Variants in CRB1 observed in about 807,000 individuals in gnomAD.
The protein encoded by CRB1 is crumbs cell polarity complex component 1, also known as protein crumbs homolog 1.
CRB1 carries 83 observed loss-of-function variants against 120.0 expected under a neutral mutation model. The observed-to-expected ratio is 0.69, with a 90% confidence interval of 0.58 to 0.83. CRB1 has a LOEUF of 0.83. Ranked by LOEUF, CRB1 falls within the 40% of genes least tolerant of loss-of-function variation. CRB1 has a pLI of 0.00. For synonymous variants in CRB1, 625 were observed against 612.5 expected (o/e 1.02, Z -0.30); for missense variants, 1,699 against 1,687.6 (o/e 1.01, Z -0.12).
the CRB1 span, among the ~76,000 whole-genome samples, chr1:197,227,543 C>T: frequency 6.6e-6 from 1 of 152,090 alleles, no homozygotes; most frequent in Non-Finnish European, 1.5e-5. Context: ...GGTAGGTTCT[C>T]ATAGTCTTGG....
At chr1:197,285,085 T>G (rs1341320590) in intron 1 of CRB1, among the ~76,000 whole-genome samples, 1 of 151,704 alleles carries the variant, frequency 6.6e-6, no homozygotes, top group Non-Finnish European at 1.5e-5. Context: ...GGAGTGTGAG[T>G]TGGTCATTAA....
the CRB1 span, among the ~76,000 whole-genome samples, chr1:197,260,266 A>C: frequency 1.3e-5 from 2 of 152,086 alleles, no homozygotes; most frequent in East Asian, 3.8e-4. Context: ...AATTAAACAA[A>C]ATTTTTTTTT....
chr1:197,441,474 GAA>G (rs1665430393), intron 10 of CRB1: 1 of 152,104 alleles, frequency 6.6e-6, no homozygotes. Context: ...TTTGGCTTTT[GAA>G]AGTCATTCTA....
chr1:197,311,264 T>G (rs1444201651), intron 1 of CRB1, among the ~76,000 whole-genome samples: 1 of 152,252 alleles, frequency 6.6e-6, no homozygotes, highest in Non-Finnish European at 1.5e-5. Context: ...GAGGGCATTA[T>G]GCTAGGCGAA....
chr1:197,341,546 AAAAAG>A (rs937463576), intron 2 of CRB1, among the ~76,000 whole-genome samples: 50 of 152,180 alleles, frequency 3.3e-4, no homozygotes, highest in African/African-American at 1.1e-3. Flanking sequence ...CTCAGAAAAA[AAAAAG>A]AAAAGGGTGA....
chr1:197,335,802 C>A (rs145134468), intron 2 of CRB1, among the ~76,000 whole-genome samples: 3,195 of 152,296 alleles, frequency 0.021, 57 homozygotes, highest in South Asian at 0.054. Context: ...CGGCCCCTAT[C>A]AAGTTTTAAC....
chr1:197,353,814 T>TAAAAAAAAAAAAAAAA (rs57274486), intron 4 of CRB1, among the ~76,000 whole-genome samples: 3 of 89,430 alleles, frequency 3.4e-5, no homozygotes, highest in South Asian at 3.5e-4. Flanking sequence ...AATATATAAA[T>TAAAAAAAAAAAAAAAA]AAAAAAAAAA....
rs77549601 is a variant in CRB1 at position 197,280,271 on chromosome 1, T to G, written c.70+11789T>G. 6.7e-3 allele frequency among the ~76,000 whole-genome samples: 1,013 copies of G among 151,908 alleles called. 7 individuals carry two copies. Among genetic ancestry groups the G allele is most frequent in the African/African-American group, 0.023 (942 of 41,500 alleles). On this transcript the variant is annotated intron_variant, in intron 1 of 11. Transcript: ENST00000367400. ...AAGGGAAGCATTAATGTAAATATAATTGTTAATCGTAAATCAGAAAAACAT... is the reference window on the plus strand; with the variant it reads ...AAGGGAAGCATTAATGTAAATATAAGTGTTAATCGTAAATCAGAAAAACAT...
At chr1:197,431,943 A>G (rs1664888592) in intron 8 of CRB1, among the ~76,000 whole-genome samples, 1 of 152,160 alleles carries the variant, frequency 6.6e-6, no homozygotes, top group African/African-American at 2.4e-5. Flanking sequence ...TTTCTTTCCA[A>G]CTAAAATATA....
At chr1:197,258,469 A>G in the CRB1 span, among the ~76,000 whole-genome samples, 2 of 152,166 alleles carry the variant, frequency 1.3e-5, no homozygotes, top group East Asian at 1.9e-4. Flanking sequence ...TTTTGTCCCA[A>G]TGTTCCATTG....
At chr1:197,338,910 G>A (rs1659303637) in intron 2 of CRB1, among the ~76,000 whole-genome samples, 2 of 152,114 alleles carry the variant, frequency 1.3e-5, no homozygotes, top group South Asian at 4.1e-4. Context: ...GTAACAAGAG[G>A]CTAAGGCACT....
At chr1:197,340,933 C>T (rs147395237) in intron 2 of CRB1, among the ~76,000 whole-genome samples, 18 of 152,206 alleles carry the variant, frequency 1.2e-4, no homozygotes, top group South Asian at 4.2e-4. Flanking sequence ...GGGGAGGTCT[C>T]GCAATCATGG....
At chr1:197,301,606 G>A (rs1279484868) in intron 1 of CRB1, among the ~76,000 whole-genome samples, 1 of 152,164 alleles carries the variant, frequency 6.6e-6, no homozygotes, top group African/African-American at 2.4e-5. Context: ...AACATTTGTA[G>A]GTGCCTCATT....
rs774597710 is a variant in CRB1, at chr1:197,421,823, T to C, written c.1995T>C (p.Asn665=). The C allele has an allele frequency of 5.0e-5, 81 of 1,614,078 alleles. No individual in the cohort carries two copies. Among genetic ancestry groups the C allele is most frequent in the East Asian group, 2.5e-4 (11 of 44,894 alleles). The change falls in exon 6 of 12, where the codon AAT becomes AAC. Residue 665 remains asparagine, a synonymous_variant. Coordinates refer to ENST00000367400, the MANE Select transcript of CRB1 (RefSeq NM_201253.3). ...ACATCTCGTCTGGCTCATCATTAAA[T>C]GTCAAGGCAGGCTGTGTGAGAAAGG... ...LENISSGSSL[N]VKAGCVRKDW...
rs910639329 is a variant in CRB1, at chr1:197,468,920, G to A, written c.4006-8744G>A. Among the ~76,000 whole-genome samples the A allele has an allele frequency of 4.6e-5, 7 of 152,314 alleles. No homozygotes were observed. In the South Asian group the frequency reaches 1.4e-3, roughly 32 times the overall value. ...CGGCATGTTTCAGGATAGAGAAGTGGTTTGGAGGAACAGGTGATTCCTGTT... is the reference window on the plus strand; with the variant it reads ...CGGCATGTTTCAGGATAGAGAAGTGATTTGGAGGAACAGGTGATTCCTGTT... On this transcript the variant is annotated intron_variant, in intron 11 of 11. Transcript: ENST00000367400.
chr1:197,334,398 T>C (rs1659028978), intron 2 of CRB1, among the ~76,000 whole-genome samples: 1 of 152,140 alleles, frequency 6.6e-6, no homozygotes, highest in Non-Finnish European at 1.5e-5. Context: ...ACCAATGCAA[T>C]AGTATTGGGA....
the CRB1 span, among the ~76,000 whole-genome samples, chr1:197,204,998 AATTTT>A: frequency 6.6e-6 from 1 of 152,188 alleles, no homozygotes; most frequent in Non-Finnish European, 1.5e-5. Flanking sequence ...TATTCCTAAG[AATTTT>A]ATTTTATTTT....
chr1:197,463,001 T>C (rs757175902), intron 11 of CRB1, among the ~76,000 whole-genome samples: 7 of 152,102 alleles, frequency 4.6e-5, no homozygotes, highest in Non-Finnish European at 1.0e-4. Flanking sequence ...TTCCTGACAC[T>C]GTGAAGCACT....
chr1:197,405,842 A>G (rs2125442281), intron 5 of CRB1, among the ~76,000 whole-genome samples: 1 of 149,320 alleles, frequency 6.7e-6, no homozygotes, highest in East Asian at 2.0e-4. Context: ...TCCACCTGGC[A>G]GCCACCCCGT....
Sources: gnomAD v4.1 joint callset for allele counts (sites outside exome capture counted in the v4.1 genomes callset) on GRCh38, gnomAD v4.1.1 for gene constraint, MANE v1.5 for transcripts, NCBI Gene and HGNC (gene_info 2026-07-23, HGNC 2026-07-21) for gene names.